SLC6A3: variants seen among roughly 807,000 people sequenced by gnomAD.
SLC6A3 encodes the protein solute carrier family 6 member 3.
A neutral mutation model predicts 70.4 loss-of-function variants in SLC6A3; 19 were observed. That is an observed-to-expected ratio of 0.27 (90% CI 0.19 to 0.40). The LOEUF (loss-of-function observed/expected upper bound fraction) is 0.40, where lower values mean the gene tolerates loss of function less well. SLC6A3 is among the 10% of genes least tolerant of loss of function. The pLI is 1.00. For synonymous variants in SLC6A3, 368 were observed against 356.6 expected (o/e 1.03, Z -0.36); for missense variants, 613 against 838.5 (o/e 0.73, Z 3.32).
rs28363070 is a variant in SLC6A3 at position 1,414,953 on chromosome 5, G to A, written c.1032-138C>T. ...AGGGGCTACTTTTCCCAGTGAGCACGGCCAGCTCCTTAGCAGCCTGGCAGA... is the reference window on the plus strand; with the variant it reads ...AGGGGCTACTTTTCCCAGTGAGCACAGCCAGCTCCTTAGCAGCCTGGCAGA... On this transcript the variant is annotated intron_variant, in intron 7 of 14. Transcript: ENST00000270349. 0.011 allele frequency: 11,609 copies of A among 1,082,270 alleles called. 94 individuals are homozygous for A. Among genetic ancestry groups the A allele is most frequent in the Non-Finnish European group, 0.013 (9,685 of 725,908 alleles). The allele number at this position is 1,082,270 out of a possible 1,614,324, so 67.0% of individuals were successfully genotyped here.
intron 3 of SLC6A3, among the ~76,000 whole-genome samples, chr5:1,433,157 C>A (rs62331115): frequency 0.19 from 29,507 of 152,076 alleles, 3,090 homozygotes; most frequent in South Asian, 0.23. Flanking sequence ...CTCTGGGTGA[C>A]CCAGGGCAAC....
chr5:1,443,279 C>A, intron 1 of SLC6A3, 37 bp from the exon 2 acceptor site: 1 of 1,499,214 alleles, frequency 6.7e-7, no homozygotes, highest in East Asian at 2.3e-5. Context: ...ACAACAGGAA[C>A]GCAACAATTC....
intron 4 of SLC6A3, among the ~76,000 whole-genome samples, chr5:1,424,001 T>C (rs185078057): frequency 1.1e-4 from 16 of 152,248 alleles, no homozygotes; most frequent in African/African-American, 3.9e-4. Context: ...CAGGGCCATG[T>C]CCCAGGAATT....
In SLC6A3 at chr5:1,440,784, C is replaced by T. The variant is rs189719802; in HGVS notation, c.418+575G>A. ...AGAGAGGCTAGAACAGATGCTTCCT[C>T]ACAGCCTCAGAAGAAATCAACCCTA... On this transcript the variant is annotated intron_variant, in intron 3 of 14. Coordinates refer to ENST00000270349, the MANE Select transcript of SLC6A3 (RefSeq NM_001044.5). 1.3e-5 allele frequency among the ~76,000 whole-genome samples: 2 copies of T among 152,174 alleles called. 1 individual carries two copies. The highest frequency in any genetic ancestry group is 3.9e-4 in the East Asian group (2 of 5,186).
At chr5:1,419,300 C>T (rs1360824481) in intron 6 of SLC6A3, among the ~76,000 whole-genome samples, 1 of 149,914 alleles carries the variant, frequency 6.7e-6, no homozygotes, top group Non-Finnish European at 1.5e-5. Context: ...TCCATCCATC[C>T]TATCCACCTA....
In SLC6A3 at chr5:1,442,853, G is replaced by C. The variant is rs573418504; in HGVS notation, c.286+59C>G. The stretch of plus-strand genomic sequence containing the variant: ...TCGTTTCCGTACGTGCCTTGGCCCC[G>C]GCTGCCCCTACGACCCCCGCCCGGC... On this transcript the variant is annotated intron_variant, in intron 2 of 14. Coordinates refer to ENST00000270349, the MANE Select transcript of SLC6A3 (RefSeq NM_001044.5). This position sits in a 1 kb window ranked among gnomAD's most constrained non-coding sequence, Gnocchi z 5.0. 1.5e-5 allele frequency: 23 copies of C among 1,574,878 alleles called. No individual in the cohort carries two copies. Among genetic ancestry groups the C allele is most frequent in the Non-Finnish European group, 1.7e-5 (19 of 1,145,442 alleles).
At chr5:1,422,074 C>G in intron 4 of SLC6A3, 60 bp from the exon 5 acceptor site, 1 of 1,572,522 alleles carries the variant, frequency 6.4e-7, no homozygotes, top group South Asian at 1.1e-5. Flanking sequence ...TGGAACTGGA[C>G]GGCTGAGCTT....
rs1755880084 is a variant in SLC6A3, at chr5:1,402,773, C to T, written c.1767+149G>A. On this transcript the variant is annotated intron_variant, in intron 13 of 14. Coordinates refer to ENST00000270349, the MANE Select transcript of SLC6A3 (RefSeq NM_001044.5). The surrounding 1 kb of genome is among the most constrained non-coding windows in gnomAD (Gnocchi z 8.5). ...GCGTGCAGGTGGACACACACACGCACACACACACACAGTGTTGTGGTGGCC... is the reference window on the plus strand; with the variant it reads ...GCGTGCAGGTGGACACACACACGCATACACACACACAGTGTTGTGGTGGCC... The T allele has an allele frequency of 3.8e-6, 3 of 795,822 alleles. No homozygotes were observed. The South Asian group carries it at 4.5e-5, about 12-fold the overall frequency. 49.3% of individuals were successfully genotyped at this position (795,822 alleles called of 1,614,324 possible).
rs373232140 is a variant in SLC6A3, at chr5:1,409,144, T to C, written c.1399-19A>G. 8.9e-6 allele frequency: 14 copies of C among 1,571,578 alleles called. No homozygotes were observed. In the Admixed American group the frequency reaches 2.3e-4, roughly 26 times the overall value. ...TGCCACCCTGGAAGAGAGGGGAGCC[T>C]GTGGACCTACAGAAGGGCTTTCCCC... On this transcript the variant is annotated intron_variant, in intron 10 of 14. Transcript: ENST00000270349.
chr5:1,414,629 T>C, intron 8 of SLC6A3, 62 bp downstream of exon 8: 3 of 1,590,242 alleles, frequency 1.9e-6, no homozygotes, highest in Non-Finnish European at 2.6e-6. Flanking sequence ...GAAAAAGGCT[T>C]TGCTGAGAGC....
intron 3 of SLC6A3, among the ~76,000 whole-genome samples, chr5:1,440,762 G>T (rs1183702585): frequency 6.6e-6 from 1 of 151,954 alleles, no homozygotes; most frequent in Non-Finnish European, 1.5e-5. Flanking sequence ...GACAAGGAGA[G>T]AGGCTAGAAC....
rs1278965515 is a variant in SLC6A3, at chr5:1,396,616, C to T, written c.1840-1858G>A. On this transcript the variant is annotated intron_variant, in intron 14 of 14. Transcript: ENST00000270349. The surrounding 1 kb of genome is among the most constrained non-coding windows in gnomAD (Gnocchi z 7.0). ...CCGGGACAATGGCCCAGGACCCCTG[C>T]TGAGGGTTCAGACGAGCACATCCCG... is the stretch of plus-strand genomic sequence containing the variant. 6.6e-6 allele frequency among the ~76,000 whole-genome samples: 1 copy of T among 152,208 alleles called. No individual in the cohort carries two copies. The highest frequency in any genetic ancestry group is 1.5e-5 in the Non-Finnish European group (1 of 68,028).
In SLC6A3 at chr5:1,413,329, G is replaced by A. The variant is rs570602527; in HGVS notation, c.1156+1362C>T. On this transcript the variant is annotated intron_variant, in intron 8 of 14. Coordinates refer to ENST00000270349, the MANE Select transcript of SLC6A3 (RefSeq NM_001044.5). This position sits in a 1 kb window ranked among gnomAD's most constrained non-coding sequence, Gnocchi z 7.1. ...ATGGGCTTAGGAGGCCCACCTCTGAGCTGTGGCTCCAGCCCCGACCCTGGC... is the reference window on the plus strand; with the variant it reads ...ATGGGCTTAGGAGGCCCACCTCTGAACTGTGGCTCCAGCCCCGACCCTGGC... Among the ~76,000 whole-genome samples the A allele has an allele frequency of 7.9e-5, 12 of 152,308 alleles. No homozygotes were observed. Among genetic ancestry groups the A allele is most frequent in the Non-Finnish European group, 1.6e-4 (11 of 68,036 alleles).
chr5:1,415,556 T>C (rs1446783367), intron 7 of SLC6A3, among the ~76,000 whole-genome samples: 1 of 152,156 alleles, frequency 6.6e-6, no homozygotes. Flanking sequence ...AGCCTCATGA[T>C]GTGAAAGAAA....
intron 6 of SLC6A3, chr5:1,416,550 A>G: frequency 2.5e-6 from 1 of 398,116 alleles, no homozygotes; most frequent in Non-Finnish European, 4.7e-6. Flanking sequence ...CAGCATCCTA[A>G]TAACCCTCGG....
Position 1,402,769 on chromosome 5 carries a change from C to G in SLC6A3, c.1767+153G>C, listed in dbSNP as rs28363132. ...CCGGGCGTGCAGGTGGACACACACACGCACACACACACACAGTGTTGTGGT... is the reference window on the plus strand; with the variant it reads ...CCGGGCGTGCAGGTGGACACACACAGGCACACACACACACAGTGTTGTGGT... On this transcript the variant is annotated intron_variant, in intron 13 of 14. Transcript: ENST00000270349. The surrounding 1 kb of genome is among the most constrained non-coding windows in gnomAD (Gnocchi z 8.5). Among the ~76,000 whole-genome samples, 1 of 152,166 alleles carries G rather than the reference C, an allele frequency of 6.6e-6. No homozygotes were observed. Among genetic ancestry groups the G allele is most frequent in the East Asian group, 1.9e-4 (1 of 5,186 alleles).
intron 10 of SLC6A3, among the ~76,000 whole-genome samples, chr5:1,409,356 G>C (rs1756059392): frequency 6.6e-6 from 1 of 152,194 alleles, no homozygotes; most frequent in South Asian, 2.1e-4. Context: ...AGAAATGGAA[G>C]CAACCGAATG....
chr5:1,435,712 G>A (rs1560924918), intron 3 of SLC6A3, among the ~76,000 whole-genome samples: 1 of 150,454 alleles, frequency 6.6e-6, no homozygotes, highest in Non-Finnish European at 1.5e-5. Flanking sequence ...GTGAGGAAAT[G>A]GCTCCCTTGA....
chr5:1,407,702 G>T (rs1196686282), intron 11 of SLC6A3, among the ~76,000 whole-genome samples: 1 of 152,318 alleles, frequency 6.6e-6, no homozygotes, highest in Admixed American at 6.5e-5. Context: ...CTCTGTGAAG[G>T]TCTATGTTTT....
Sources: gnomAD v4.1 joint callset for allele counts (sites outside exome capture counted in the v4.1 genomes callset) on GRCh38, gnomAD v4.1.1 for gene constraint, Gnocchi (gnomAD v3.1) non-coding constraint, MANE v1.5 for transcripts, NCBI Gene and HGNC (gene_info 2026-07-23, HGNC 2026-07-21) for gene names.